PTPRN2: variants seen among roughly 807,000 people sequenced by gnomAD.
The protein encoded by PTPRN2 is receptor-type tyrosine-protein phosphatase N2.
PTPRN2 carries 74 observed loss-of-function variants against 118.8 expected under a neutral mutation model. That is an observed-to-expected ratio of 0.62 (90% CI 0.52 to 0.76). The LOEUF is 0.76. Among genes scored for constraint, PTPRN2 ranks in the 30% least tolerant of loss-of-function variants. The pLI is 0.00. For synonymous variants in PTPRN2, 641 were observed against 608.0 expected (o/e 1.05, Z -0.80); for missense variants, 1,481 against 1,394.4 (o/e 1.06, Z -0.99).
intron 3 of PTPRN2, among the ~76,000 whole-genome samples, chr7:158,218,904 A>G (rs1300862902): frequency 6.6e-6 from 1 of 152,196 alleles, no homozygotes; most frequent in Non-Finnish European, 1.5e-5. Context: ...ATATTTATGC[A>G]CCCAACATTG....
chr7:157,758,196 G>T (rs1287680706), intron 12 of PTPRN2, among the ~76,000 whole-genome samples: 1 of 152,242 alleles, frequency 6.6e-6, no homozygotes, highest in African/African-American at 2.4e-5. Flanking sequence ...GGCCGGTGTC[G>T]TAATTGACTG....
intron 11 of PTPRN2, among the ~76,000 whole-genome samples, chr7:158,064,014 C>T (rs1447576270): frequency 1.3e-5 from 2 of 152,224 alleles, no homozygotes; most frequent in African/African-American, 2.4e-5. Context: ...CGGGCTCATA[C>T]AGCAAGACAA....
intron 12 of PTPRN2, among the ~76,000 whole-genome samples, chr7:157,774,359 G>C (rs1046115501): frequency 1.7e-4 from 26 of 152,224 alleles, no homozygotes; most frequent in African/African-American, 6.3e-4. Flanking sequence ...AGTAAAAATG[G>C]CTATGCAGGA....
intron 5 of PTPRN2, among the ~76,000 whole-genome samples, chr7:158,178,930 C>T (rs1168623342): frequency 2.6e-5 from 4 of 152,150 alleles, no homozygotes; most frequent in Non-Finnish European, 4.4e-5. Flanking sequence ...TAGACTGGTT[C>T]CATATCTTTG....
At chr7:157,932,078 A>G (rs1305717020) in intron 11 of PTPRN2, among the ~76,000 whole-genome samples, 1 of 152,202 alleles carries the variant, frequency 6.6e-6, no homozygotes, top group East Asian at 1.9e-4. Flanking sequence ...CTCTCTCTAT[A>G]TTTATATTTA....
chr7:158,055,921 G>A (rs531761637), intron 11 of PTPRN2, among the ~76,000 whole-genome samples: 10 of 152,204 alleles, frequency 6.6e-5, no homozygotes, highest in South Asian at 4.2e-4. Flanking sequence ...CTCCACACAC[G>A]GGGAGAAAAA....
At position 158,543,613 on chromosome 7, in the gene PTPRN2, T is replaced by G. The variant is rs186338892; in HGVS notation, c.112+43945A>C. Among the ~76,000 whole-genome samples the G allele has an allele frequency of 3.4e-4, 52 of 152,374 alleles. 1 individual carries two copies. In the East Asian group the frequency reaches 9.6e-3, roughly 28 times the overall value. ...ACTTTGGGACATACAGATAAAAATG[T>G]GATCTTATGTTAAGTGCTGCATTTT... On this transcript the variant is annotated intron_variant, in intron 1 of 22. Transcript: ENST00000389418.
At chr7:158,204,114 C>G (rs1280565163) in intron 4 of PTPRN2, among the ~76,000 whole-genome samples, 4 of 151,190 alleles carry the variant, frequency 2.6e-5, no homozygotes, top group African/African-American at 9.7e-5. Flanking sequence ...CGGTGTGCGC[C>G]GCTTGCTGGG....
intron 3 of PTPRN2, among the ~76,000 whole-genome samples, chr7:158,253,609 C>T (rs995085791): frequency 6.6e-5 from 10 of 152,158 alleles, no homozygotes; most frequent in African/African-American, 1.9e-4. Flanking sequence ...CTCCCCTCGG[C>T]GGTGGTCAGG....
intron 12 of PTPRN2, among the ~76,000 whole-genome samples, chr7:157,753,586 A>G (rs1353849237): frequency 1.3e-5 from 2 of 151,966 alleles, no homozygotes; most frequent in African/African-American, 4.8e-5. Context: ...ACCTCTGAAA[A>G]TGTCCATGTT....
intron 12 of PTPRN2, among the ~76,000 whole-genome samples, chr7:157,708,872 G>A (rs1161472915): frequency 2.6e-5 from 4 of 152,158 alleles, no homozygotes; most frequent in Admixed American, 6.5e-5. Context: ...AACAAGCCAC[G>A]TATGGCTCCA....
intron 2 of PTPRN2, among the ~76,000 whole-genome samples, chr7:158,483,826 C>T (rs909578338): frequency 6.6e-6 from 1 of 152,178 alleles, no homozygotes; most frequent in Non-Finnish European, 1.5e-5. Context: ...TCATATACCA[C>T]ATAACTCAGC....
Position 157,582,325 on chromosome 7 carries a change from C to T in PTPRN2, c.2497-4185G>A, listed in dbSNP as rs891852168. ...ACAAACAAAAAAACAAATGACCCAA[C>T]TAAAAATGGGCAAGGGATCTGAGCA... On this transcript the variant is annotated intron_variant, in intron 17 of 22. Transcript: ENST00000389418. 3.3e-5 allele frequency among the ~76,000 whole-genome samples: 5 copies of T among 152,160 alleles called. No homozygotes were observed. The East Asian group carries it at 7.7e-4, about 23-fold the overall frequency.
chr7:157,949,180 A>G (rs1800665845), intron 11 of PTPRN2, among the ~76,000 whole-genome samples: 2 of 152,240 alleles, frequency 1.3e-5, no homozygotes, highest in Admixed American at 6.5e-5. Context: ...TAAGGGATAT[A>G]TGCTGTCGGT....
At chr7:158,326,168 G>A (rs1458088054) in intron 2 of PTPRN2, among the ~76,000 whole-genome samples, 1 of 152,198 alleles carries the variant, frequency 6.6e-6, no homozygotes, top group Non-Finnish European at 1.5e-5. Context: ...ATGGCACCCT[G>A]CTGTGCTTCT....
At chr7:158,578,514 T>C (rs1358218464) in intron 1 of PTPRN2, among the ~76,000 whole-genome samples, 1 of 131,634 alleles carries the variant, frequency 7.6e-6, no homozygotes, top group African/African-American at 2.9e-5. Flanking sequence ...CAGTCTGGGC[T>C]ACAGAGCCAG....
chr7:157,923,921 C>A (rs554460781), intron 11 of PTPRN2, among the ~76,000 whole-genome samples: 73 of 152,268 alleles, frequency 4.8e-4, no homozygotes, highest in African/African-American at 1.7e-3. Flanking sequence ...AAAAAAGCAA[C>A]CTGTCCTGAA....
rs75426355 is a variant in PTPRN2, at chr7:158,329,873, T to A, written c.164-12941A>T. 4.6e-3 allele frequency among the ~76,000 whole-genome samples: 701 copies of A among 152,184 alleles called. 6 individuals carry two copies. Among genetic ancestry groups the A allele is most frequent in the African/African-American group, 0.016 (665 of 41,468 alleles). ...ACTTTAGACTGTAGATGCCAGCGTC[T>A]GACTGAGAAAATGCGGTCACCATAG... On this transcript the variant is annotated intron_variant, in intron 2 of 22. Transcript: ENST00000389418.
rs866378937 is a variant in PTPRN2, at chr7:157,903,357, G to A, written c.1724-4620C>T. ...CCTGCAAGACGGGAGCAAGCAAGAC[G>A]GTACCCCAAACCTCAGCATCACCAG... On this transcript the variant is annotated intron_variant, in intron 11 of 22. Coordinates refer to ENST00000389418, the MANE Select transcript of PTPRN2 (RefSeq NM_002847.5). This position sits in a 1 kb window ranked among gnomAD's most constrained non-coding sequence, Gnocchi z 4.2. Among the ~76,000 whole-genome samples, 11 of 151,930 alleles carry A rather than the reference G, an allele frequency of 7.2e-5. No homozygotes were observed. Among genetic ancestry groups the A allele is most frequent in the African/African-American group, 1.2e-4 (5 of 41,350 alleles).
Sources: allele counts gnomAD v4.1 joint callset (sites outside exome capture counted in the v4.1 genomes callset), GRCh38; gene constraint gnomAD v4.1.1; non-coding constraint Gnocchi (gnomAD v3.1); transcripts MANE v1.5; gene names NCBI Gene and HGNC (gene_info 2026-07-23, HGNC 2026-07-21).